RBFOX1: variants seen among roughly 807,000 people sequenced by gnomAD.
RBFOX1 encodes RNA binding fox-1 homolog 1.
In RBFOX1, 8 loss-of-function variants were observed where a neutral mutation model predicts 57.7. The observed-to-expected ratio is 0.14, with a 90% CI of 0.08 to 0.25. RBFOX1 has a LOEUF of 0.25. Among genes scored for constraint, RBFOX1 ranks in the 10% least tolerant of loss-of-function variants. The pLI is 1.00. For synonymous variants in RBFOX1, 326 were observed against 222.4 expected (o/e 1.47, Z -4.15); for missense variants, 611 against 548.5 (o/e 1.11, Z -1.14).
chr16:6,672,003 T>C lies in RBFOX1; in HGVS notation c.-16+17353T>C, dbSNP rs556135918. 2.3e-4 allele frequency among the ~76,000 whole-genome samples: 35 copies of C among 152,356 alleles called. No individual in the cohort carries two copies. The East Asian group carries it at 6.0e-3, about 26-fold the overall frequency. On this transcript the variant is annotated intron_variant, in intron 3 of 15. Coordinates refer to ENST00000550418, the MANE Select transcript of RBFOX1 (RefSeq NM_018723.4). ...GCTGATTTTAAATGGCTTGGTCATA[T>C]GTTAACTTATGCACTGTACCAAATG...
intron 4 of RBFOX1, among the ~76,000 whole-genome samples, chr16:7,144,267 A>G (rs960396541): frequency 6.6e-6 from 1 of 152,160 alleles, no homozygotes; most frequent in Non-Finnish European, 1.5e-5. Flanking sequence ...AAAGCAAAGA[A>G]CTTCCTCCCC....
At chr16:7,182,653 C>T (rs180923604) in intron 4 of RBFOX1, among the ~76,000 whole-genome samples, 7 of 152,216 alleles carry the variant, frequency 4.6e-5, no homozygotes, top group African/African-American at 1.7e-4. Flanking sequence ...CAGAGGATTC[C>T]AGAGGAGGAA....
At chr16:7,411,148 G>A (rs868340676) in intron 4 of RBFOX1, among the ~76,000 whole-genome samples, 88 of 152,128 alleles carry the variant, frequency 5.8e-4, no homozygotes, top group African/African-American at 2.0e-3. Flanking sequence ...GTTTTGTCAT[G>A]TTGGCCAGGT....
intron 2 of RBFOX1, among the ~76,000 whole-genome samples, chr16:5,530,862 C>T (rs937186754): frequency 1.4e-5 from 2 of 141,102 alleles, no homozygotes; most frequent in Non-Finnish European, 3.1e-5. Flanking sequence ...CCTAGGTGGG[C>T]GGATCATCTG....
At position 6,965,439 on chromosome 16, in the gene RBFOX1, T is replaced by G. The variant is rs150783008; in HGVS notation, c.-15-86618T>G. 6.5e-4 allele frequency among the ~76,000 whole-genome samples: 99 copies of G among 152,028 alleles called. No homozygotes were observed. In the Middle Eastern group the frequency reaches 0.01, roughly 16 times the overall value. On this transcript the variant is annotated intron_variant, in intron 3 of 15. Coordinates refer to ENST00000550418, the MANE Select transcript of RBFOX1 (RefSeq NM_018723.4). ...CTTACTGCAGCCTCCCGGGTTCAAT[T>G]GATTCTTCTGCCTAAACCTCCCCAG...
At chr16:7,141,979 T>A (rs2073900823) in intron 4 of RBFOX1, among the ~76,000 whole-genome samples, 1 of 142,682 alleles carries the variant, frequency 7.0e-6, no homozygotes, top group Non-Finnish European at 1.6e-5. Flanking sequence ...TTCTCCTTCT[T>A]CTCCATCTTC....
intron 10 of RBFOX1, among the ~76,000 whole-genome samples, chr16:7,612,394 G>A (rs2057685064): frequency 6.7e-6 from 1 of 148,774 alleles, no homozygotes; most frequent in African/African-American, 2.5e-5. Flanking sequence ...GGTGAGTCAT[G>A]AAGTCTTTGG....
At chr16:6,922,420 C>T (rs529366033) in intron 3 of RBFOX1, among the ~76,000 whole-genome samples, 10 of 152,318 alleles carry the variant, frequency 6.6e-5, no homozygotes, top group Non-Finnish European at 1.5e-4. Flanking sequence ...TTTTTGCTCT[C>T]TGCAGTGAGC....
intron 4 of RBFOX1, among the ~76,000 whole-genome samples, chr16:7,264,187 C>T (rs1015647665): frequency 1.3e-5 from 2 of 152,234 alleles, no homozygotes; most frequent in Non-Finnish European, 2.9e-5. Flanking sequence ...ACCTCAAGCA[C>T]TTAGCCAGTA....
intron 1 of RBFOX1, among the ~76,000 whole-genome samples, chr16:5,375,805 C>T (rs2065969877): frequency 6.6e-6 from 1 of 152,198 alleles, no homozygotes. Context: ...CTTTAATATA[C>T]TGTTGTTAAA....
intron 1 of RBFOX1, among the ~76,000 whole-genome samples, chr16:6,174,734 G>A (rs907135070): frequency 2.0e-5 from 3 of 152,180 alleles, no homozygotes; most frequent in African/African-American, 4.8e-5. Context: ...CTGCACCTAC[G>A]TCTCATGCTG....
intron 4 of RBFOX1, among the ~76,000 whole-genome samples, chr16:5,888,168 G>T (rs1028297427): frequency 6.6e-6 from 1 of 152,094 alleles, no homozygotes; most frequent in Non-Finnish European, 1.5e-5. Flanking sequence ...GGTGTGCCAG[G>T]TTCCTCCTGC....
At chr16:5,716,417 G>T (rs1415499224) in intron 3 of RBFOX1, among the ~76,000 whole-genome samples, 2 of 152,070 alleles carry the variant, frequency 1.3e-5, no homozygotes, top group African/African-American at 4.8e-5. Flanking sequence ...CCCTCCGACA[G>T]ACCCCAGTGT....
intron 3 of RBFOX1, among the ~76,000 whole-genome samples, chr16:6,776,495 A>T (rs575721487): frequency 6.6e-6 from 1 of 152,318 alleles, no homozygotes; most frequent in African/African-American, 2.4e-5. Flanking sequence ...TAAAGTGCAT[A>T]CAATTAAAAC....
At chr16:5,768,030 C>G (rs1216385127) in intron 3 of RBFOX1, among the ~76,000 whole-genome samples, 2 of 152,170 alleles carry the variant, frequency 1.3e-5, no homozygotes, top group Admixed American at 6.5e-5. Context: ...GCTCACCCAG[C>G]TATGCAATTA....
Position 7,233,075 on chromosome 16 carries a change from G to A in RBFOX1, c.27+180977G>A, listed in dbSNP as rs140031574. On this transcript the variant is annotated intron_variant, in intron 4 of 15. Transcript: ENST00000550418. ...GCTTGCTCTTGATGTTCCCAACAGCGGCCAAAGAACCCATCTCACAATGTA... is the reference window on the plus strand; with the variant it reads ...GCTTGCTCTTGATGTTCCCAACAGCAGCCAAAGAACCCATCTCACAATGTA... Among the ~76,000 whole-genome samples, 1,278 of 152,078 alleles carry A rather than the reference G, an allele frequency of 8.4e-3. 15 individuals are homozygous for A. Among genetic ancestry groups the A allele is most frequent in the Middle Eastern group, 0.034 (10 of 292 alleles).
At chr16:6,407,255 A>G (rs2093314581) in intron 2 of RBFOX1, among the ~76,000 whole-genome samples, 1 of 152,118 alleles carries the variant, frequency 6.6e-6, no homozygotes, top group African/African-American at 2.4e-5. Context: ...ATCTATATAT[A>G]TGCTATGGAT....
chr16:7,671,839 A>G (rs2071550123), intron 13 of RBFOX1, among the ~76,000 whole-genome samples: 1 of 152,232 alleles, frequency 6.6e-6, no homozygotes, highest in Non-Finnish European at 1.5e-5. Flanking sequence ...TGCTGTTTCC[A>G]TGACTGAGTG....
At chr16:7,146,770 G>T (rs905808825) in intron 4 of RBFOX1, among the ~76,000 whole-genome samples, 10 of 151,312 alleles carry the variant, frequency 6.6e-5, no homozygotes, top group African/African-American at 2.4e-4. Flanking sequence ...GACACATAGT[G>T]AGACCCCCAA....
Sources: gnomAD v4.1 joint callset for allele counts (sites outside exome capture counted in the v4.1 genomes callset) on GRCh38, gnomAD v4.1.1 for gene constraint, MANE v1.5 for transcripts, NCBI Gene and HGNC (gene_info 2026-07-23, HGNC 2026-07-21) for gene names.